The following CTNNA2 variants were observed in gnomAD, a reference collection of about 807,000 sequenced individuals.
The protein encoded by CTNNA2 is catenin alpha-2.
Under a neutral mutation model 101.0 loss-of-function variants are expected in CTNNA2, and 42 were observed. That is an observed-to-expected ratio of 0.42 (90% CI 0.32 to 0.54). The LOEUF is 0.54. Among genes scored for constraint, CTNNA2 ranks in the 20% least tolerant of loss-of-function variants. The pLI is 0.14. For synonymous variants in CTNNA2, 450 were observed against 456.4 expected (o/e 0.99, Z 0.18); for missense variants, 871 against 1,223.1 (o/e 0.71, Z 4.29).
Position 80,341,325 on chromosome 2 carries a change from T to C in CTNNA2, c.1057-51886T>C, listed in dbSNP as rs184783019. ...GCAAACAGCCCCCATGCTGAAGCTA[T>C]CTAGGGACTACCAGTCATCTCATTA... On this transcript the variant is annotated intron_variant, in intron 7 of 18. Coordinates refer to ENST00000402739, the MANE Select transcript of CTNNA2 (RefSeq NM_001282597.3). 6.6e-3 allele frequency among the ~76,000 whole-genome samples: 1,003 copies of C among 152,288 alleles called. 25 individuals are homozygous for C. Among genetic ancestry groups the C allele is most frequent in the Admixed American group, 0.034 (519 of 15,292 alleles).
chr2:79,476,376 G>A (rs531330979), intron 4 of CTNNA2, among the ~76,000 whole-genome samples: 23 of 152,208 alleles, frequency 1.5e-4, no homozygotes, highest in Non-Finnish European at 3.1e-4. Flanking sequence ...GAACTGGGCT[G>A]AAGGGAGCCC....
intron 3 of CTNNA2, among the ~76,000 whole-genome samples, chr2:79,769,981 T>TTTAATTTAAC (rs1673456188): frequency 6.6e-6 from 1 of 152,204 alleles, no homozygotes; most frequent in African/African-American, 2.4e-5. Context: ...TTAAAATTCA[T>TTTAATTTAAC]TTAATTTTAC....
Position 80,490,450 on chromosome 2 carries a change from T to C in CTNNA2, c.1291-54532T>C, listed in dbSNP as rs143905022. On this transcript the variant is annotated intron_variant, in intron 9 of 18. Transcript: ENST00000402739. The stretch of plus-strand genomic sequence containing the variant: ...GCTAAAATAACTTTATTTGAGGACA[T>C]TGAAATTCAGATTTCATATAATTTT... 4.7e-3 allele frequency among the ~76,000 whole-genome samples: 714 copies of C among 152,238 alleles called. 12 individuals are homozygous for C. The highest frequency in any genetic ancestry group is 0.016 in the African/African-American group (652 of 41,546).
At chr2:79,860,888 G>A (rs887323284) in intron 4 of CTNNA2, among the ~76,000 whole-genome samples, 6 of 152,216 alleles carry the variant, frequency 3.9e-5, no homozygotes, top group African/African-American at 1.2e-4. Context: ...GTTCTTTTGC[G>A]CAGAAGCATA....
At chr2:79,794,709 G>A (rs1485206289) in intron 3 of CTNNA2, among the ~76,000 whole-genome samples, 1 of 152,180 alleles carries the variant, frequency 6.6e-6, no homozygotes, top group African/African-American at 2.4e-5. Context: ...CGTAAAGTGA[G>A]CATTTAAGTA....
chr2:80,552,334 GAAA>G (rs908701685), intron 11 of CTNNA2, among the ~76,000 whole-genome samples: 23 of 150,090 alleles, frequency 1.5e-4, no homozygotes, highest in Non-Finnish European at 2.7e-4. Context: ...TGGGGGGGAA[GAAA>G]AAAAAACCCA....
chr2:79,286,973 C>G (rs1199709178), intron 2 of CTNNA2, among the ~76,000 whole-genome samples: 2 of 152,108 alleles, frequency 1.3e-5, no homozygotes, highest in African/African-American at 4.8e-5. Context: ...CTTTTTTTCT[C>G]TAAACTTCCC....
chr2:80,525,837 CA>C (rs1337868230), intron 9 of CTNNA2, among the ~76,000 whole-genome samples: 2 of 152,086 alleles, frequency 1.3e-5, no homozygotes, highest in East Asian at 3.9e-4. Flanking sequence ...GCATAAGGTG[CA>C]ATACGTGTGC....
At chr2:79,293,984 A>G (rs1418046597) in intron 2 of CTNNA2, among the ~76,000 whole-genome samples, 1 of 152,102 alleles carries the variant, frequency 6.6e-6, no homozygotes, top group Non-Finnish European at 1.5e-5. Context: ...AATGGAATGA[A>G]ATAAAGTATG....
intron 6 of CTNNA2, among the ~76,000 whole-genome samples, chr2:79,904,787 C>A (rs1405739120): frequency 6.6e-6 from 1 of 152,134 alleles, no homozygotes; most frequent in Non-Finnish European, 1.5e-5. Context: ...CAAGCCAGCT[C>A]GGTGTCTCAT....
At chr2:79,678,641 C>T (rs1683354410) in intron 2 of CTNNA2, among the ~76,000 whole-genome samples, 1 of 152,108 alleles carries the variant, frequency 6.6e-6, no homozygotes. Flanking sequence ...AGCTAGTCTC[C>T]CATTTTCATT....
intron 4 of CTNNA2, among the ~76,000 whole-genome samples, chr2:79,388,370 G>A (rs922309773): frequency 9.9e-5 from 15 of 152,032 alleles, no homozygotes; most frequent in African/African-American, 3.1e-4. Context: ...TTATCGATTC[G>A]CTGGCCAGAA....
intron 7 of CTNNA2, among the ~76,000 whole-genome samples, chr2:79,971,241 C>T (rs1239201741): frequency 6.6e-6 from 1 of 152,062 alleles, no homozygotes; most frequent in African/African-American, 2.4e-5. Context: ...CTATTTCCTC[C>T]CCTCACCTTC....
intron 9 of CTNNA2, among the ~76,000 whole-genome samples, chr2:80,504,758 TTC>T (rs2149539050): frequency 6.6e-6 from 1 of 152,324 alleles, no homozygotes; most frequent in East Asian, 1.9e-4. Context: ...TACACAAAAG[TTC>T]TTCATCACTG....
intron 1 of CTNNA2, among the ~76,000 whole-genome samples, chr2:79,600,217 C>A (rs1195309709): frequency 6.6e-6 from 1 of 151,946 alleles, no homozygotes; most frequent in East Asian, 1.9e-4. Flanking sequence ...CCTCTGTCAC[C>A]CAGGCTGGAG....
At chr2:79,433,880 G>A (rs1313787849) in intron 4 of CTNNA2, among the ~76,000 whole-genome samples, 1 of 152,188 alleles carries the variant, frequency 6.6e-6, no homozygotes, top group Non-Finnish European at 1.5e-5. Flanking sequence ...GCACATAGTA[G>A]GTGATCATGA....
chr2:80,116,310 T>C (rs1701514550), intron 7 of CTNNA2, among the ~76,000 whole-genome samples: 1 of 151,464 alleles, frequency 6.6e-6, no homozygotes, highest in Non-Finnish European at 1.5e-5. Context: ...TACAGGTTCA[T>C]GTGTGTTACA....
intron 3 of CTNNA2, among the ~76,000 whole-genome samples, chr2:79,750,319 G>C (rs983299209): frequency 1.3e-5 from 2 of 152,122 alleles, no homozygotes; most frequent in Non-Finnish European, 2.9e-5. Context: ...AAATCTTTAT[G>C]TCCAGGCCTC....
intron 7 of CTNNA2, among the ~76,000 whole-genome samples, chr2:79,978,121 G>GT (rs1437301434): frequency 2.0e-5 from 3 of 152,014 alleles, no homozygotes; most frequent in Non-Finnish European, 2.9e-5. Flanking sequence ...GATGCATATT[G>GT]TTTTTTTCTT....
Sources: gnomAD v4.1 joint callset for allele counts (sites outside exome capture counted in the v4.1 genomes callset) on GRCh38, gnomAD v4.1.1 for gene constraint, MANE v1.5 for transcripts, NCBI Gene and HGNC (gene_info 2026-07-23, HGNC 2026-07-21) for gene names.